Variants in CSMD1 observed in about 807,000 individuals in gnomAD.
The protein encoded by CSMD1 is CUB and Sushi multiple domains 1.
CSMD1 carries 213 observed loss-of-function variants against 417.5 expected under a neutral mutation model. That is an observed-to-expected ratio of 0.51 (90% CI 0.46 to 0.57). CSMD1 has a LOEUF of 0.57. Among genes scored for constraint, CSMD1 ranks in the 20% least tolerant of loss-of-function variants. The probability of loss-of-function intolerance (pLI) is 0.00; values close to 1 mark genes in which losing one functional copy is unlikely to be tolerated. For missense variants in CSMD1, 6,923 were observed against 4,529.7 expected (o/e 1.53, Z -15.17); for synonymous variants, 2,862 against 1,736.8 (o/e 1.65, Z -16.11).
intron 6 of CSMD1, among the ~76,000 whole-genome samples, chr8:3,720,783 C>A (rs986272949): frequency 6.6e-6 from 1 of 152,064 alleles, no homozygotes; most frequent in Non-Finnish European, 1.5e-5. Flanking sequence ...TGACACGATC[C>A]AAAACAGCTT....
chr8:4,727,691 A>G (rs1402890773), intron 1 of CSMD1, among the ~76,000 whole-genome samples: 1 of 152,044 alleles, frequency 6.6e-6, no homozygotes, highest in Non-Finnish European at 1.5e-5. Context: ...AATAACTTGC[A>G]AAGGCAAATT....
chr8:2,973,322 G>A lies in CSMD1; in HGVS notation c.8741-23C>T, dbSNP rs771347333. On this transcript the variant is annotated intron_variant, in intron 56 of 69. Transcript: ENST00000635120. ...TTCCTATTGAAAACAAACACATACG[G>A]CAATCCACAATTGTGTTAGACTTGT... The A allele has an allele frequency of 2.4e-5, 39 of 1,607,522 alleles. 2 individuals carry two copies. In the South Asian group the frequency reaches 3.0e-4, roughly 12 times the overall value.
intron 2 of CSMD1, among the ~76,000 whole-genome samples, chr8:4,499,117 T>A (rs371896012): frequency 2.0e-5 from 3 of 152,074 alleles, no homozygotes; most frequent in African/African-American, 7.2e-5. Flanking sequence ...GTCATTTCTG[T>A]TTAGGGATTT....
intron 2 of CSMD1, among the ~76,000 whole-genome samples, chr8:4,541,176 T>C (rs945958290): frequency 1.3e-5 from 2 of 152,144 alleles, no homozygotes; most frequent in African/African-American, 4.8e-5. Context: ...CTCAATTTCA[T>C]GAATTTCCAG....
intron 3 of CSMD1, among the ~76,000 whole-genome samples, chr8:4,403,783 C>G (rs766022147): frequency 1.3e-5 from 2 of 152,190 alleles, no homozygotes; most frequent in South Asian, 2.1e-4. Flanking sequence ...TCTTGATCCT[C>G]TCTCCTGGAC....
intron 5 of CSMD1, among the ~76,000 whole-genome samples, chr8:3,853,378 G>A (rs1804049008): frequency 1.3e-5 from 2 of 152,118 alleles, no homozygotes; most frequent in African/African-American, 2.4e-5. Context: ...GTTATGTAAT[G>A]TAATGCATTG....
intron 3 of CSMD1, among the ~76,000 whole-genome samples, chr8:4,036,074 T>C (rs1365948940): frequency 6.6e-6 from 1 of 152,236 alleles, no homozygotes; most frequent in Admixed American, 6.5e-5. Context: ...CAGTATTCAG[T>C]TCAGCCACAT....
chr8:3,191,729 T>TA (rs1053650447), intron 33 of CSMD1, among the ~76,000 whole-genome samples: 1 of 152,182 alleles, frequency 6.6e-6, no homozygotes, highest in Non-Finnish European at 1.5e-5. Flanking sequence ...GGATAAAGAT[T>TA]AAAAAATACT....
intron 1 of CSMD1, among the ~76,000 whole-genome samples, chr8:4,873,727 G>A (rs1173015437): frequency 6.6e-6 from 1 of 152,082 alleles, no homozygotes; most frequent in Non-Finnish European, 1.5e-5. Context: ...TTGGCTTCAA[G>A]GAGCTCAAAG....
intron 2 of CSMD1, among the ~76,000 whole-genome samples, chr8:4,473,057 G>A (rs56946433): frequency 0.039 from 5,992 of 152,020 alleles, 295 homozygotes; most frequent in African/African-American, 0.12. Flanking sequence ...TGCATTAAGT[G>A]ATATTTTAGG....
At chr8:3,830,678 G>C (rs980383352) in intron 5 of CSMD1, among the ~76,000 whole-genome samples, 1 of 152,088 alleles carries the variant, frequency 6.6e-6, no homozygotes, top group Non-Finnish European at 1.5e-5. Flanking sequence ...TCAGAAAACA[G>C]AGAGAAAAAA....
intron 23 of CSMD1, among the ~76,000 whole-genome samples, chr8:3,321,676 T>TTTAA (rs1237416227): frequency 6.6e-6 from 1 of 151,664 alleles, no homozygotes; most frequent in African/African-American, 2.4e-5. Flanking sequence ...TGGTGCTTAT[T>TTTAA]TTAATTCTAG....
At chr8:4,185,081 G>C (rs1218211164) in intron 3 of CSMD1, among the ~76,000 whole-genome samples, 1 of 145,158 alleles carries the variant, frequency 6.9e-6, no homozygotes, top group East Asian at 2.1e-4. Flanking sequence ...AGAGGTTGCA[G>C]TGAGCCAAGA....
intron 3 of CSMD1, among the ~76,000 whole-genome samples, chr8:4,041,121 A>T (rs11136693): frequency 1.4e-5 from 2 of 145,642 alleles, no homozygotes; most frequent in Non-Finnish European, 3.0e-5. Context: ...GGTTCCCGCC[A>T]TTCTCCTGCC....
intron 1 of CSMD1, among the ~76,000 whole-genome samples, chr8:4,829,017 G>C (rs1005068410): frequency 2.6e-5 from 4 of 152,084 alleles, no homozygotes; most frequent in Admixed American, 6.5e-5. Context: ...ATTATTATTA[G>C]AGATACATTA....
At chr8:4,005,658 T>C (rs145773253) in intron 4 of CSMD1, among the ~76,000 whole-genome samples, 8 of 152,350 alleles carry the variant, frequency 5.3e-5, no homozygotes, top group East Asian at 1.9e-4. Context: ...ATGGATACTA[T>C]ATTTGGTGCT....
chr8:3,685,222 A>C (rs1391420570), intron 7 of CSMD1, among the ~76,000 whole-genome samples: 2 of 152,214 alleles, frequency 1.3e-5, no homozygotes, highest in South Asian at 2.1e-4. Context: ...CCCTTGTTTT[A>C]CACCAAAAAT....
chr8:4,194,408 C>G (rs1466421836), intron 3 of CSMD1, among the ~76,000 whole-genome samples: 2 of 152,132 alleles, frequency 1.3e-5, no homozygotes, highest in Non-Finnish European at 2.9e-5. Context: ...ATGGACACTC[C>G]AAATAGCTTG....
rs577488705 is a variant in CSMD1, at chr8:4,047,788, T to C, written c.416-15689A>G. Among the ~76,000 whole-genome samples the C allele has an allele frequency of 1.3e-5, 2 of 152,162 alleles. 1 individual carries two copies. Among genetic ancestry groups the C allele is most frequent in the South Asian group, 4.2e-4 (2 of 4,814 alleles). ...TGATAGGAATAGGTAGAGAATGCAA[T>C]TTTACATTAGGTAGTCAGGAAACAC... On this transcript the variant is annotated intron_variant, in intron 3 of 69. Coordinates refer to ENST00000635120, the MANE Select transcript of CSMD1 (RefSeq NM_033225.6).
Sources: allele counts gnomAD v4.1 joint callset (sites outside exome capture counted in the v4.1 genomes callset), GRCh38; gene constraint gnomAD v4.1.1; transcripts MANE v1.5; gene names NCBI Gene and HGNC (gene_info 2026-07-23, HGNC 2026-07-21).